STXBP5: variants seen among roughly 807,000 people sequenced by gnomAD.
STXBP5 encodes syntaxin-binding protein 5.
In STXBP5, 50 loss-of-function variants were observed where a neutral mutation model predicts 152.4. That is an observed-to-expected ratio of 0.33 (90% CI 0.26 to 0.42). STXBP5 has a LOEUF of 0.42. Among genes scored for constraint, STXBP5 ranks in the 10% least tolerant of loss-of-function variants. The pLI, the probability that STXBP5 is intolerant of heterozygous loss-of-function variation, is 1.00. For synonymous variants in STXBP5, 492 were observed against 494.7 expected (o/e 0.99, Z 0.07); for missense variants, 1,167 against 1,388.6 (o/e 0.84, Z 2.54).
At chr6:147,282,358 C>T (rs1780741940) in intron 8 of STXBP5, among the ~76,000 whole-genome samples, 1 of 152,198 alleles carries the variant, frequency 6.6e-6, no homozygotes, top group Non-Finnish European at 1.5e-5. Context: ...TCCCTTTAAT[C>T]TCACTTTTAT....
At chr6:147,328,578 A>G (rs923468767) in intron 18 of STXBP5, 1 of 308,668 alleles carries the variant, frequency 3.2e-6, no homozygotes, top group Non-Finnish European at 6.5e-6. Context: ...TTGTTTTTCC[A>G]TTTTTTTTTA....
chr6:147,325,769 C>A (rs1414259478), intron 17 of STXBP5, among the ~76,000 whole-genome samples: 1 of 152,096 alleles, frequency 6.6e-6, no homozygotes, highest in East Asian at 1.9e-4. Flanking sequence ...GGGACTCATT[C>A]ATTTTTTTTC....
chr6:147,300,337 G>T (rs1406286194), intron 9 of STXBP5, among the ~76,000 whole-genome samples: 1 of 152,024 alleles, frequency 6.6e-6, no homozygotes, highest in Non-Finnish European at 1.5e-5. Flanking sequence ...TGTAAATAGT[G>T]AAAGTAATAT....
chr6:147,240,161 C>T (rs1328288531), intron 4 of STXBP5, among the ~76,000 whole-genome samples: 1 of 151,998 alleles, frequency 6.6e-6, no homozygotes. Flanking sequence ...AGGCTGGTCT[C>T]GAACTCCTGA....
intron 9 of STXBP5, among the ~76,000 whole-genome samples, chr6:147,302,682 G>A (rs139503138): frequency 2.0e-5 from 3 of 152,056 alleles, no homozygotes; most frequent in African/African-American, 7.2e-5. Context: ...AGGCATGGTG[G>A]CATGTACCTG....
chr6:147,224,063 A>G (rs1025062696), intron 2 of STXBP5, among the ~76,000 whole-genome samples: 19 of 152,244 alleles, frequency 1.2e-4, no homozygotes, highest in Non-Finnish European at 1.6e-4. Flanking sequence ...GCAGTTTATC[A>G]CTGGTCAAGA....
At chr6:147,304,513 C>T (rs984266257) in intron 9 of STXBP5, among the ~76,000 whole-genome samples, 4 of 152,106 alleles carry the variant, frequency 2.6e-5, no homozygotes, top group East Asian at 1.9e-4. Flanking sequence ...AATGTGGAGT[C>T]GGTGCCCCCA....
intron 4 of STXBP5, among the ~76,000 whole-genome samples, 192 bp downstream of exon 4, chr6:147,239,462 T>C (rs1778433520): frequency 6.6e-6 from 1 of 152,226 alleles, no homozygotes. Flanking sequence ...AGCAACCACA[T>C]AAATTTCTTT....
chr6:147,216,383 C>A (rs1264690247), intron 2 of STXBP5, among the ~76,000 whole-genome samples: 1 of 152,150 alleles, frequency 6.6e-6, no homozygotes, highest in Non-Finnish European at 1.5e-5. Flanking sequence ...TAGAGTGAGA[C>A]TCCATGTCAA....
At chr6:147,252,806 G>A (rs1025719200) in intron 4 of STXBP5, among the ~76,000 whole-genome samples, 3 of 152,174 alleles carry the variant, frequency 2.0e-5, no homozygotes, top group African/African-American at 7.2e-5. Context: ...CTGAAATTGA[G>A]GCAGTAATTA....
chr6:147,302,975 A>AT (rs1223080589), intron 9 of STXBP5, among the ~76,000 whole-genome samples: 3 of 152,130 alleles, frequency 2.0e-5, no homozygotes, highest in African/African-American at 7.2e-5. Context: ...TTGTTGAGCT[A>AT]TTTCATTATA....
chr6:147,362,368 C>T (rs1785106192), intron 23 of STXBP5, among the ~76,000 whole-genome samples: 1 of 152,116 alleles, frequency 6.6e-6, no homozygotes, highest in Non-Finnish European at 1.5e-5. Context: ...AATGCTAACT[C>T]AGCTATCTAC....
At chr6:147,288,195 G>A (rs1198488033) in intron 8 of STXBP5, among the ~76,000 whole-genome samples, 3 of 152,178 alleles carry the variant, frequency 2.0e-5, no homozygotes, top group Non-Finnish European at 4.4e-5. Context: ...TGCCCTGGGG[G>A]TAGGGATTTT....
intron 10 of STXBP5, among the ~76,000 whole-genome samples, 173 bp from the exon 11 acceptor site, chr6:147,311,282 T>C (rs923161401): frequency 2.0e-5 from 3 of 152,202 alleles, no homozygotes; most frequent in Non-Finnish European, 2.9e-5. Flanking sequence ...GGTCAGTAAA[T>C]AGATGATCTC....
At chr6:147,326,522 C>T (rs1783265646) in intron 17 of STXBP5, among the ~76,000 whole-genome samples, 1 of 152,170 alleles carries the variant, frequency 6.6e-6, no homozygotes, top group African/African-American at 2.4e-5. Context: ...ATGATGCTTA[C>T]ATGTCCTCTT....
At chr6:147,348,852 C>T (rs759968020) in intron 21 of STXBP5, among the ~76,000 whole-genome samples, 31 of 152,044 alleles carry the variant, frequency 2.0e-4, no homozygotes, top group Admixed American at 6.5e-4. Flanking sequence ...TTAAGAAATG[C>T]TTGTTTTAAT....
chr6:147,244,276 A>C (rs1247599935), intron 4 of STXBP5, among the ~76,000 whole-genome samples: 1 of 152,144 alleles, frequency 6.6e-6, no homozygotes, highest in African/African-American at 2.4e-5. Context: ...ACAGATATGG[A>C]GGGATGACTG....
chr6:147,295,014 T>C (rs1781447447), intron 9 of STXBP5, among the ~76,000 whole-genome samples: 1 of 152,150 alleles, frequency 6.6e-6, no homozygotes, highest in Admixed American at 6.5e-5. Flanking sequence ...TTATCTTTGG[T>C]AGGTTACCTA....
At chr6:147,208,771 T>C (rs900529710) in intron 2 of STXBP5, among the ~76,000 whole-genome samples, 1 of 152,142 alleles carries the variant, frequency 6.6e-6, no homozygotes, top group Non-Finnish European at 1.5e-5. Flanking sequence ...CTTTACTAAA[T>C]TGATTTATCT....
Sources: allele counts gnomAD v4.1 joint callset (sites outside exome capture counted in the v4.1 genomes callset), GRCh38; gene constraint gnomAD v4.1.1; transcripts MANE v1.5; gene names NCBI Gene and HGNC (gene_info 2026-07-23, HGNC 2026-07-21).